TMEM106B: variants seen among roughly 807,000 people sequenced by gnomAD.
TMEM106B encodes transmembrane protein 106B.
TMEM106B carries 15 observed loss-of-function variants against 31.1 expected under a neutral mutation model. That is an observed-to-expected ratio of 0.48 (90% CI 0.32 to 0.74). TMEM106B has a LOEUF of 0.74. Among genes scored for constraint, TMEM106B ranks in the 30% least tolerant of loss-of-function variants. TMEM106B has a pLI of 0.03. For synonymous variants in TMEM106B, 126 were observed against 112.5 expected, an observed-to-expected ratio of 1.12 and a Z score of -0.76; for missense variants, 283 against 327.3, an observed-to-expected ratio of 0.86 and a Z score of 1.04.
At chr7:12,217,871 T>C (rs375609900) in intron 2 of TMEM106B, among the ~76,000 whole-genome samples, 2 of 152,168 alleles carry the variant, frequency 1.3e-5, no homozygotes, top group South Asian at 4.1e-4. Context: ...TTTAAACTTA[T>C]GGATATAGCT....
Position 12,240,662 on chromosome 7 carries a change from T to C in TMEM106B, c.*8687T>C, listed in dbSNP as rs887752311. Reference sequence around the variant, plus strand: ...AAGGGAGAAGAATCATTAATAAGTTTGTGAGGCTTTTTTTTTTTTTCTGGT... The same window carrying C: ...AAGGGAGAAGAATCATTAATAAGTTCGTGAGGCTTTTTTTTTTTTTCTGGT... On this transcript the variant is annotated 3_prime_UTR_variant, in exon 8 of 8. Transcript: ENST00000396668. 2.7e-5 allele frequency: 4 copies of C among 149,990 alleles called. No homozygotes were observed. Among genetic ancestry groups the C allele is most frequent in the African/African-American group, 9.8e-5 (4 of 40,992 alleles). The allele number at this position is 149,990 out of a possible 1,614,324, so 9.3% of individuals were successfully genotyped here. A position where few individuals can be genotyped will look rare whatever the true frequency, so the allele number is the denominator to read the frequency against.
chr7:12,228,841 C>A (rs920976844), intron 4 of TMEM106B, among the ~76,000 whole-genome samples: 1 of 151,900 alleles, frequency 6.6e-6, no homozygotes, highest in East Asian at 1.9e-4. Context: ...CTTAAATAAA[C>A]GTTTTCCTAA....
intron 2 of TMEM106B, among the ~76,000 whole-genome samples, chr7:12,216,435 T>C (rs968567126): frequency 2.0e-5 from 3 of 151,980 alleles, no homozygotes; most frequent in Non-Finnish European, 4.4e-5. Context: ...GGAGCTCAAG[T>C]TTAGACATGG....
Position 12,237,008 on chromosome 7 carries a change from G to T in TMEM106B, c.*5033G>T, listed in dbSNP as rs1221912069. The T allele has an allele frequency of 1.3e-5, 2 of 151,718 alleles. No homozygotes were observed. The highest frequency in any genetic ancestry group is 2.9e-5 in the Non-Finnish European group (2 of 67,882). The allele number at this position is 151,718 out of a possible 1,614,324, so 9.4% of individuals were successfully genotyped here. A position where few individuals can be genotyped will look rare whatever the true frequency, so the allele number is the denominator to read the frequency against. On this transcript the variant is annotated 3_prime_UTR_variant, in exon 8 of 8. Coordinates refer to ENST00000396668, the MANE Select transcript of TMEM106B (RefSeq NM_001134232.2). Reference sequence around the variant, plus strand: ...AATATAGAATATGAAAATATGTTTGGGCATTTACTGTTTATATTATGTAGT... The same window carrying T: ...AATATAGAATATGAAAATATGTTTGTGCATTTACTGTTTATATTATGTAGT...
chr7:12,222,663 T>TG (rs1781810785), intron 3 of TMEM106B, among the ~76,000 whole-genome samples: 1 of 152,192 alleles, frequency 6.6e-6, no homozygotes, highest in African/African-American at 2.4e-5. Flanking sequence ...GGTAATCCAG[T>TG]GGGGATCACT....
Position 12,231,070 on chromosome 7 carries a change from G to C in TMEM106B, c.641G>C (p.Cys214Ser). 1 of 1,592,186 alleles carries C rather than the reference G, an allele frequency of 6.3e-7. No individual in the cohort carries two copies. Among genetic ancestry groups the C allele is most frequent in the Non-Finnish European group, 8.6e-7 (1 of 1,169,322 alleles). ...TTTAATTTCTTTAACAGTGATTTCT[G>C]TACTCTGATATCCATCAAAGTGCAT... ...AEEMSYMYDF[C>S]TLISIKVHNI... The change falls in exon 7 of 8, where the codon TGT (cysteine) becomes TCT (serine). Residue 214 changes from cysteine to serine, a missense_variant. By Grantham distance (112) the Cys-to-Ser change is moderately radical. This residue lies in a region of TMEM106B where 201 missense variants were observed against 211.5 expected (regional missense o/e 0.95). Coordinates refer to ENST00000396668, the MANE Select transcript of TMEM106B (RefSeq NM_001134232.2).
intron 4 of TMEM106B, among the ~76,000 whole-genome samples, chr7:12,227,679 A>C (rs1781928642): frequency 8.0e-6 from 1 of 125,124 alleles, no homozygotes; most frequent in South Asian, 2.8e-4. Context: ...TCTTTAGGAT[A>C]AATTCCTGAA....
Position 12,231,052 on chromosome 7 carries a change from T to C in TMEM106B, c.633-10T>C. 1 of 1,572,726 alleles carries C rather than the reference T, an allele frequency of 6.4e-7. No homozygotes were observed. The highest frequency in any genetic ancestry group is 1.4e-5 in the African/African-American group (1 of 73,212). On this transcript the variant is annotated splice_polypyrimidine_tract_variant and intron_variant, in intron 6 of 7. Coordinates refer to ENST00000396668, the MANE Select transcript of TMEM106B (RefSeq NM_001134232.2). ...ACTTGCATTTGTTCACATTTTAATT[T>C]CTTTAACAGTGATTTCTGTACTCTG... is the stretch of plus-strand genomic sequence containing the variant.
intron 1 of TMEM106B, chr7:12,214,355 T>C (rs1293821348): frequency 1.3e-5 from 2 of 153,530 alleles, no homozygotes; most frequent in African/African-American, 4.8e-5. Context: ...TCCCTTGTCT[T>C]AACTACAAAC....
At chr7:12,218,239 C>CTT (rs11291359) in intron 2 of TMEM106B, among the ~76,000 whole-genome samples, 24 of 133,376 alleles carry the variant, frequency 1.8e-4, no homozygotes, top group South Asian at 4.8e-4. Context: ...ATTTGTTATA[C>CTT]TTTTTTTTTT....
intron 6 of TMEM106B, 91 bp downstream of exon 6, chr7:12,230,529 TATC>T: frequency 1.1e-6 from 1 of 886,980 alleles, no homozygotes; most frequent in Non-Finnish European, 1.7e-6. Context: ...TAATTTCCGT[TATC>T]AGTCAAAAAG....
At position 12,238,593 on chromosome 7, in the gene TMEM106B, T is replaced by A. The variant is rs1376289488; in HGVS notation, c.*6618T>A. 6.6e-6 allele frequency: 1 copy of A among 152,210 alleles called. No homozygotes were observed. The highest frequency in any genetic ancestry group is 1.5e-5 in the Non-Finnish European group (1 of 68,038). The allele number at this position is 152,210 out of a possible 1,614,324, so 9.4% of individuals were successfully genotyped here. A position where few individuals can be genotyped will look rare whatever the true frequency, so the allele number is the denominator to read the frequency against. On this transcript the variant is annotated 3_prime_UTR_variant, in exon 8 of 8. Coordinates refer to ENST00000396668, the MANE Select transcript of TMEM106B (RefSeq NM_001134232.2). ...ATGACAGCTATGGTCTTACAAAATGTATTTCTTATATAGTAAGATTCAAAA... is the reference window on the plus strand; with the variant it reads ...ATGACAGCTATGGTCTTACAAAATGAATTTCTTATATAGTAAGATTCAAAA...
At chr7:12,226,893 C>G (rs1215263504) in intron 4 of TMEM106B, among the ~76,000 whole-genome samples, 3 of 150,582 alleles carry the variant, frequency 2.0e-5, no homozygotes, top group Non-Finnish European at 4.4e-5. Context: ...CCCTTTGGAA[C>G]AAGGAACATA....
chr7:12,223,743 C>A (rs970572171), intron 3 of TMEM106B, among the ~76,000 whole-genome samples: 1 of 125,466 alleles, frequency 8.0e-6, no homozygotes, highest in African/African-American at 3.1e-5. Context: ...TTTTTTGGTA[C>A]AGAGTCTCGC....
chr7:12,230,851 C>T (rs908757795), intron 6 of TMEM106B: 4 of 398,788 alleles, frequency 1.0e-5, no homozygotes, highest in South Asian at 7.1e-5. Context: ...TGCATTTAAA[C>T]AACCCTGCAA....
At chr7:12,219,903 G>A (rs1410222915) in intron 3 of TMEM106B, among the ~76,000 whole-genome samples, 3 of 152,002 alleles carry the variant, frequency 2.0e-5, no homozygotes, top group Non-Finnish European at 4.4e-5. Flanking sequence ...CTGGACAAAT[G>A]CAAAACATTA....
Position 12,229,787 on chromosome 7 carries a change from A to T in TMEM106B, c.550A>T (p.Ile184Leu), listed in dbSNP as rs147912881. ...TVIGKARLNN[I>L]TIIGPLDMKQ... ...TATTGGAAAGGCACGCTTAAACAAC[A>T]TAACCATTATTGGTCCACTTGATAT... The change falls in exon 5 of 8, where the codon ATA (isoleucine) becomes TTA (leucine). Residue 184 changes from isoleucine (I) to leucine (L), a missense_variant. Physicochemically the swap from Ile to Leu is conservative, Grantham distance 5. Transcript: ENST00000396668. 1 of 1,610,492 alleles carries T rather than the reference A, an allele frequency of 6.2e-7. No homozygotes were observed. The highest frequency in any genetic ancestry group is 1.3e-5 in the African/African-American group (1 of 74,762).
intron 5 of TMEM106B, 114 bp from the exon 6 acceptor site, chr7:12,230,275 G>T: frequency 1.2e-6 from 1 of 800,434 alleles, no homozygotes; most frequent in South Asian, 1.5e-5. Context: ...AAATCTTTGA[G>T]AATCAAGCTT....
chr7:12,214,161 G>T (rs1020252179), intron 1 of TMEM106B: 4 of 152,278 alleles, frequency 2.6e-5, no homozygotes, highest in African/African-American at 7.2e-5. Context: ...CTCTCGTGGG[G>T]AAGATCCACA....
Sources: gnomAD v4.1 joint callset for allele counts (sites outside exome capture counted in the v4.1 genomes callset) on GRCh38, gnomAD v4.1.1 for gene constraint, gnomAD v4.1.1 regional missense constraint, MANE v1.5 for transcripts, NCBI Gene and HGNC (gene_info 2026-07-23, HGNC 2026-07-21) for gene names.